EGFR: variants seen among roughly 807,000 people sequenced by gnomAD.
EGFR encodes the protein avian erythroblastic leukemia viral (v-erb-b) oncogene homolog.
A neutral mutation model predicts 143.0 loss-of-function variants in EGFR; 58 were observed. The observed-to-expected ratio is 0.41, with a 90% CI of 0.33 to 0.50. The LOEUF is 0.50. EGFR is among the 20% of genes least tolerant of loss of function. EGFR has a pLI of 0.39. For missense variants in EGFR, 1,307 were observed against 1,579.0 expected, an observed-to-expected ratio of 0.83 and a Z score of 2.92; for synonymous variants, 613 against 594.4, an observed-to-expected ratio of 1.03 and a Z score of -0.45.
At chr7:55,182,301 C>T (rs993207799) in intron 20 of EGFR, 5 of 152,644 alleles carry the variant, frequency 3.3e-5, no homozygotes, top group South Asian at 2.1e-4. Context: ...CATCTCTCTC[C>T]GACAGCAGGG....
In EGFR at chr7:55,201,239, G is replaced by A. The variant is rs2128971574; in HGVS notation, c.2998G>A (p.Ala1000Thr). ...TCCTACAGACTCCAACTTCTACCGT[G>A]CCCTGATGGATGAAGAAGACATGGA... ...PSPTDSNFYRALMDEEDMDDV... is the reference protein window; with the variant it reads ...PSPTDSNFYRTLMDEEDMDDV... The change falls in exon 25 of 28, where the codon GCC becomes ACC. Residue 1000 changes from alanine (A) to threonine (T), a missense_variant. Ala to Thr is a moderately conservative substitution (Grantham distance 58, BLOSUM62 0). Coordinates refer to ENST00000275493, the MANE Select transcript of EGFR (RefSeq NM_005228.5). 2 of 1,614,134 alleles carry A rather than the reference G, an allele frequency of 1.2e-6. No homozygotes were observed. Among genetic ancestry groups the A allele is most frequent in the African/African-American group, 1.3e-5 (1 of 75,016 alleles).
chr7:55,210,046 C>T lies in EGFR; in HGVS notation c.*4429C>T, dbSNP rs2128977168. The T allele has an allele frequency of 6.6e-6, 1 of 152,238 alleles. No individual in the cohort carries two copies. Among genetic ancestry groups the T allele is most frequent in the East Asian group, 1.9e-4 (1 of 5,184 alleles). 9.4% of individuals were successfully genotyped at this position (152,238 alleles called of 1,614,324 possible). On this transcript the variant is annotated 3_prime_UTR_variant, in exon 28 of 28. Transcript: ENST00000275493. Reference sequence around the variant, plus strand: ...AAATTTTAAAAGATGATGGAAAGCACATTTAGCTTGGTCTGAGGCAGGTTC... The same window carrying T: ...AAATTTTAAAAGATGATGGAAAGCATATTTAGCTTGGTCTGAGGCAGGTTC...
chr7:55,146,465 A>T, intron 3 of EGFR, 141 bp from the exon 4 acceptor site: 1 of 1,307,730 alleles, frequency 7.6e-7, no homozygotes, highest in Non-Finnish European at 1.1e-6. Flanking sequence ...CCCCCCGGGA[A>T]GTTCACTGGG....
In EGFR at chr7:55,205,550, G is replaced by T. The variant is rs747600559; in HGVS notation, c.3566G>T (p.Gly1189Val). The T allele has an allele frequency of 6.2e-7, 1 of 1,614,146 alleles. No homozygotes were observed. Among genetic ancestry groups the T allele is most frequent in the South Asian group, 1.1e-5 (1 of 91,074 alleles). The change falls in exon 28 of 28, where the codon GGC (glycine) becomes GTC (valine). Residue 1189 changes from glycine to valine, a missense_variant. Around this residue, in one of 7 missense-constraint regions of EGFR, gnomAD observed 313 missense variants for 312.3 expected, o/e 1.00. Transcript: ENST00000275493. ...KEAKPNGIFK[G>V]STAENAEYLR... ...GCCAAGCCAAATGGCATCTTTAAGG[G>T]CTCCACAGCTGAAAATGCAGAATAC...
chr7:55,041,191 T>A (rs1787876569), intron 1 of EGFR, among the ~76,000 whole-genome samples: 1 of 152,172 alleles, frequency 6.6e-6, no homozygotes, highest in Non-Finnish European at 1.5e-5. Context: ...GGCGGGTGGA[T>A]CACCTGAGGT....
At position 55,210,479 on chromosome 7, in the gene EGFR, A is replaced by G. The variant is rs532683887; in HGVS notation, c.*4862A>G. 4.5e-4 allele frequency: 68 copies of G among 152,318 alleles called. No homozygotes were observed. Among genetic ancestry groups the G allele is most frequent in the Non-Finnish European group, 8.7e-4 (59 of 68,022 alleles). 9.4% of individuals were successfully genotyped at this position (152,318 alleles called of 1,614,324 possible). On this transcript the variant is annotated 3_prime_UTR_variant, in exon 28 of 28. Coordinates refer to ENST00000275493, the MANE Select transcript of EGFR (RefSeq NM_005228.5). ...AAATCTCTGGGGCTGAAACCCAAGCATTCGTAGTTTTTAAAGCTCCTGAGG... is the reference window on the plus strand; with the variant it reads ...AAATCTCTGGGGCTGAAACCCAAGCGTTCGTAGTTTTTAAAGCTCCTGAGG...
chr7:55,063,238 A>G (rs1317627443), intron 1 of EGFR, among the ~76,000 whole-genome samples: 1 of 152,136 alleles, frequency 6.6e-6, no homozygotes, highest in East Asian at 1.9e-4. Context: ...ACCTCCTCTC[A>G]CATCTTTTTC....
At chr7:55,084,057 G>C (rs1404104863) in intron 1 of EGFR, among the ~76,000 whole-genome samples, 3 of 152,176 alleles carry the variant, frequency 2.0e-5, no homozygotes, top group African/African-American at 7.2e-5. Context: ...TTTAACAAAT[G>C]CCCCTATGAA....
At chr7:55,086,705 C>G (rs2128892685) in intron 1 of EGFR, among the ~76,000 whole-genome samples, 1 of 152,346 alleles carries the variant, frequency 6.6e-6, no homozygotes, top group South Asian at 2.1e-4. Context: ...AGGCGGCACA[C>G]TTGGGTGGCA....
At chr7:55,202,294 C>T (rs531101529) in intron 26 of EGFR, among the ~76,000 whole-genome samples, 7 of 152,232 alleles carry the variant, frequency 4.6e-5, no homozygotes, top group African/African-American at 7.2e-5. Flanking sequence ...TAGCACACCT[C>T]CCTCACTGCG....
intron 22 of EGFR, 148 bp downstream of exon 22, chr7:55,192,989 G>T (rs1787468009): frequency 1.3e-6 from 1 of 750,578 alleles, no homozygotes; most frequent in African/African-American, 1.8e-5. Context: ...TCTATCTATT[G>T]TACTGAGAAA....
At chr7:55,121,722 G>A (rs187905140) in intron 1 of EGFR, among the ~76,000 whole-genome samples, 37 of 152,298 alleles carry the variant, frequency 2.4e-4, no homozygotes, top group Admixed American at 2.1e-3. Context: ...GCTTTCTTGG[G>A]TAACTTCCAC....
chr7:55,044,158 A>G (rs146723490), intron 1 of EGFR: 1 of 152,336 alleles, frequency 6.6e-6, no homozygotes, highest in East Asian at 1.9e-4. Context: ...TGGCAATGCA[A>G]GGATGCCATT....
chr7:55,143,678 T>A (rs1794598492), intron 3 of EGFR, among the ~76,000 whole-genome samples, 190 bp downstream of exon 3: 1 of 152,104 alleles, frequency 6.6e-6, no homozygotes, highest in Non-Finnish European at 1.5e-5. Context: ...GATACTGGAA[T>A]GGGAAGATTT....
At chr7:55,100,283 A>G (rs1791729727) in intron 1 of EGFR, among the ~76,000 whole-genome samples, 1 of 152,258 alleles carries the variant, frequency 6.6e-6, no homozygotes, top group African/African-American at 2.4e-5. Flanking sequence ...CAGGCACTTC[A>G]CAAAGGCCTC....
rs190316780 is a variant in EGFR at position 55,155,734 on chromosome 7, C to G, written c.890-96C>G. On this transcript the variant is annotated intron_variant, in intron 7 of 27. Coordinates refer to ENST00000275493, the MANE Select transcript of EGFR (RefSeq NM_005228.5). ...AAATAAAGCCAAAGGAGGATGGAGC[C>G]TTTCCATCACCCCTCAAGAGGACCT... 5 of 909,100 alleles carry G rather than the reference C, an allele frequency of 5.5e-6. No individual in the cohort carries two copies. In the Admixed American group the frequency reaches 8.5e-5, roughly 15 times the overall value. The allele number at this position is 909,100 out of a possible 1,614,324, so 56.3% of individuals were successfully genotyped here. A position where few individuals can be genotyped will look rare whatever the true frequency, so the allele number is the denominator to read the frequency against.
chr7:55,193,379 G>A (rs1787485168), intron 22 of EGFR, among the ~76,000 whole-genome samples: 1 of 152,080 alleles, frequency 6.6e-6, no homozygotes, highest in Middle Eastern at 3.2e-3. Flanking sequence ...CGGCCCTGGG[G>A]ATTCTCTGTT....
At chr7:55,084,931 C>A (rs546990682) in intron 1 of EGFR, among the ~76,000 whole-genome samples, 4 of 152,264 alleles carry the variant, frequency 2.6e-5, no homozygotes, top group Admixed American at 2.6e-4. Context: ...ACAGCCCCAT[C>A]CGTGATCTTC....
At chr7:55,152,217 G>A in intron 5 of EGFR, 1 of 471,110 alleles carries the variant, frequency 2.1e-6, no homozygotes, top group South Asian at 1.7e-5. Context: ...TTGTGGGGGG[G>A]CTGTTAGGCC....
Sources: allele counts gnomAD v4.1 joint callset (sites outside exome capture counted in the v4.1 genomes callset), GRCh38; gene constraint gnomAD v4.1.1; regional missense constraint gnomAD v4.1.1; transcripts MANE v1.5; gene names NCBI Gene and HGNC (gene_info 2026-07-23, HGNC 2026-07-21).